The following EPM2A variants were observed in gnomAD, a reference collection of about 807,000 sequenced individuals.
The protein encoded by EPM2A is EPM2A glucan phosphatase, laforin.
In EPM2A, 21 loss-of-function variants were observed where a neutral mutation model predicts 26.5. The observed-to-expected ratio is 0.79, with a 90% CI of 0.56 to 1.14. The LOEUF is 1.14. Ranked by LOEUF, EPM2A falls within the 50% of genes most tolerant of loss-of-function variation. The probability of loss-of-function intolerance (pLI) is 0.00; values close to 1 mark genes in which losing one functional copy is unlikely to be tolerated. For synonymous variants in EPM2A, 217 were observed against 177.6 expected (o/e 1.22, Z -1.76); for missense variants, 458 against 440.8 (o/e 1.04, Z -0.35).
intron 2 of EPM2A, among the ~76,000 whole-genome samples, chr6:145,546,244 C>T (rs1450504629): frequency 6.6e-6 from 1 of 152,044 alleles, no homozygotes; most frequent in Non-Finnish European, 1.5e-5. Flanking sequence ...GCTGCTGGTG[C>T]AAGTTCCAGA....
At chr6:145,490,753 G>T in intron 4 of EPM2A, 1 of 561,718 alleles carries the variant, frequency 1.8e-6, no homozygotes. Context: ...CACATGTGAA[G>T]GTTGTCACAT....
At chr6:145,727,074 C>T (rs1021803685) in intron 1 of EPM2A, among the ~76,000 whole-genome samples, 1 of 151,920 alleles carries the variant, frequency 6.6e-6, no homozygotes, top group Non-Finnish European at 1.5e-5. Context: ...TTTATCATAC[C>T]TTAAAATAAT....
At chr6:145,443,555 G>A (rs1779094559) in intron 4 of EPM2A, among the ~76,000 whole-genome samples, 1 of 152,150 alleles carries the variant, frequency 6.6e-6, no homozygotes, top group Admixed American at 6.5e-5. Flanking sequence ...GTATAGGAAT[G>A]CTACTGACTT....
At chr6:145,441,075 C>G (rs995518953) in intron 4 of EPM2A, among the ~76,000 whole-genome samples, 2 of 152,232 alleles carry the variant, frequency 1.3e-5, no homozygotes, top group East Asian at 3.9e-4. Flanking sequence ...GCCCCTGCAG[C>G]AAATCTCTGC....
intron 2 of EPM2A, among the ~76,000 whole-genome samples, chr6:145,557,506 TTC>T (rs1780744641): frequency 6.6e-6 from 1 of 152,104 alleles, no homozygotes; most frequent in African/African-American, 2.4e-5. Flanking sequence ...TCATGTTACC[TTC>T]TGTTTTACCA....
At chr6:145,605,506 C>G (rs1281350365) in intron 2 of EPM2A, among the ~76,000 whole-genome samples, 1 of 152,108 alleles carries the variant, frequency 6.6e-6, no homozygotes, top group Non-Finnish European at 1.5e-5. Context: ...CACTGGAATT[C>G]TTGATTCTGA....
chr6:145,490,887 C>G, intron 4 of EPM2A: 1 of 705,592 alleles, frequency 1.4e-6, no homozygotes, highest in Non-Finnish European at 2.5e-6. Context: ...CTGGTAATAT[C>G]TGCCAACAGT....
intron 4 of EPM2A, among the ~76,000 whole-genome samples, chr6:145,418,477 C>A (rs1200666257): frequency 6.6e-6 from 1 of 152,142 alleles, no homozygotes; most frequent in East Asian, 1.9e-4. Context: ...GCCCAGCCAT[C>A]CAGAAATGAT....
chr6:145,397,189 G>C (rs1244453975), intron 4 of EPM2A, among the ~76,000 whole-genome samples: 1 of 152,156 alleles, frequency 6.6e-6, no homozygotes, highest in Non-Finnish European at 1.5e-5. Flanking sequence ...TCAGCACTTT[G>C]GGAGGTCAAG....
intron 2 of EPM2A, among the ~76,000 whole-genome samples, chr6:145,663,602 C>A (rs189341604): frequency 2.0e-5 from 3 of 151,552 alleles, no homozygotes; most frequent in East Asian, 3.9e-4. Context: ...AGGATATTAT[C>A]CAGGAGAACT....
intron 2 of EPM2A, among the ~76,000 whole-genome samples, chr6:145,609,758 A>C (rs949244684): frequency 6.6e-6 from 1 of 152,140 alleles, no homozygotes; most frequent in African/African-American, 2.4e-5. Context: ...TTTCTCTTTG[A>C]GTGTGGTAGG....
chr6:145,522,624 G>T (rs957630280), intron 2 of EPM2A, among the ~76,000 whole-genome samples: 1 of 151,956 alleles, frequency 6.6e-6, no homozygotes, highest in South Asian at 2.1e-4. Context: ...TGATTATTAC[G>T]GCAATTTCTC....
At chr6:145,733,243 C>G (rs1045594542) in intron 1 of EPM2A, among the ~76,000 whole-genome samples, 4 of 151,838 alleles carry the variant, frequency 2.6e-5, no homozygotes, top group African/African-American at 9.7e-5. Context: ...TAATACAAAA[C>G]TGAAAATAAT....
chr6:145,670,195 A>C (rs967734009), intron 2 of EPM2A, among the ~76,000 whole-genome samples: 9 of 151,974 alleles, frequency 5.9e-5, no homozygotes, highest in African/African-American at 2.2e-4. Flanking sequence ...CCACCTTATA[A>C]ATTTCCTTCA....
rs77364796 is a variant in EPM2A, at chr6:145,453,166, T to G, written c.555+49356A>C. Among the ~76,000 whole-genome samples the G allele has an allele frequency of 3.1e-3, 472 of 152,344 alleles. 10 individuals carry two copies. In the East Asian group the frequency reaches 0.054, roughly 17 times the overall value. Reference sequence around the variant, plus strand: ...ACAGGCCCACAATCTCTTCCTGTAATTTATCCCAGTGCTCACACATTATGC... The same window carrying G: ...ACAGGCCCACAATCTCTTCCTGTAAGTTATCCCAGTGCTCACACATTATGC... On this transcript the variant is annotated intron_variant, in intron 4 of 4. Coordinates refer to the EPM2A transcript ENST00000638717.
intron 2 of EPM2A, among the ~76,000 whole-genome samples, chr6:145,654,483 T>C (rs1257130067): frequency 1.3e-5 from 2 of 152,192 alleles, no homozygotes; most frequent in African/African-American, 4.8e-5. Context: ...CTAATTTCAC[T>C]TTCTGTGTTA....
chr6:145,553,823 T>C (rs1780685983), intron 2 of EPM2A, among the ~76,000 whole-genome samples: 1 of 147,724 alleles, frequency 6.8e-6, no homozygotes, highest in Non-Finnish European at 1.5e-5. Context: ...ATTTAGTATA[T>C]ATATTATATA....
chr6:145,516,539 G>A (rs1352183239), intron 2 of EPM2A, among the ~76,000 whole-genome samples: 1 of 152,114 alleles, frequency 6.6e-6, no homozygotes, highest in African/African-American at 2.4e-5. Context: ...ATTTAAATTT[G>A]GGCCACCACA....
intron 2 of EPM2A, among the ~76,000 whole-genome samples, chr6:145,643,445 A>G (rs1777230859): frequency 6.6e-6 from 1 of 152,206 alleles, no homozygotes; most frequent in African/African-American, 2.4e-5. Context: ...AACTTTATAC[A>G]CTGGATATGT....
Sources: gnomAD v4.1 joint callset for allele counts (sites outside exome capture counted in the v4.1 genomes callset) on GRCh38, gnomAD v4.1.1 for gene constraint, MANE v1.5 for transcripts, NCBI Gene and HGNC (gene_info 2026-07-23, HGNC 2026-07-21) for gene names.